The following PLBD1 variants were observed in gnomAD, a reference collection of about 807,000 sequenced individuals.
PLBD1 encodes the protein lysosomal leucine aminopeptidase.
Under a neutral mutation model 63.0 loss-of-function variants are expected in PLBD1, and 60 were observed. The observed-to-expected ratio is 0.95, with a 90% CI of 0.77 to 1.18. The LOEUF is 1.18. Ranked by LOEUF, PLBD1 falls within the 50% of genes most tolerant of loss-of-function variation. The pLI, the probability that PLBD1 is intolerant of heterozygous loss-of-function variation, is 0.00. For synonymous variants in PLBD1, 262 were observed against 248.0 expected (o/e 1.06, Z -0.53); for missense variants, 598 against 677.9 (o/e 0.88, Z 1.31).
In PLBD1 at chr12:14,524,599, C is replaced by T. The variant is rs139031912; in HGVS notation, c.844+11060G>A. 2.9e-3 allele frequency among the ~76,000 whole-genome samples: 439 copies of T among 152,176 alleles called. 3 individuals are homozygous for T. The highest frequency in any genetic ancestry group is 0.01 in the Middle Eastern group (3 of 294). Reference sequence around the variant, plus strand: ...AATAACTATAAAAGAGGATTTTGAACGTTCTTGCCATAAGGAACTGATAAA... The same window carrying T: ...AATAACTATAAAAGAGGATTTTGAATGTTCTTGCCATAAGGAACTGATAAA... On this transcript the variant is annotated intron_variant, in intron 6 of 10. Coordinates refer to ENST00000240617, the MANE Select transcript of PLBD1 (RefSeq NM_024829.6).
chr12:14,538,680 G>A (rs1945540057), intron 4 of PLBD1, among the ~76,000 whole-genome samples: 1 of 152,136 alleles, frequency 6.6e-6, no homozygotes, highest in South Asian at 2.1e-4. Context: ...TCCTAGAAGT[G>A]ATTTAGATTT....
At chr12:14,511,176 C>T (rs1402195465) in intron 8 of PLBD1, 84 bp downstream of exon 8, 2 of 1,167,420 alleles carry the variant, frequency 1.7e-6, no homozygotes, top group Admixed American at 2.4e-5. Context: ...CCCCACCACA[C>T]ATTCACACAA....
intron 6 of PLBD1, among the ~76,000 whole-genome samples, chr12:14,516,286 G>A (rs554614977): frequency 5.9e-5 from 9 of 152,268 alleles, no homozygotes; most frequent in African/African-American, 1.4e-4. Context: ...CCGAGATCGC[G>A]CCATTGCACT....
intron 8 of PLBD1, among the ~76,000 whole-genome samples, chr12:14,509,544 G>A (rs976279555): frequency 1.3e-5 from 2 of 152,156 alleles, no homozygotes; most frequent in African/African-American, 4.8e-5. Flanking sequence ...GAACTGCTTG[G>A]CAATGAAACT....
At chr12:14,544,849 A>G (rs1262595780) in intron 2 of PLBD1, among the ~76,000 whole-genome samples, 3 of 152,084 alleles carry the variant, frequency 2.0e-5, no homozygotes, top group South Asian at 4.1e-4. Flanking sequence ...GTTTTCTTTC[A>G]TTTATAACTT....
At chr12:14,512,263 C>T (rs1279971958) in intron 6 of PLBD1, among the ~76,000 whole-genome samples, 2 of 151,870 alleles carry the variant, frequency 1.3e-5, no homozygotes, top group Non-Finnish European at 2.9e-5. Flanking sequence ...ATTCTTGTGC[C>T]TCAGCCTCCT....
intron 1 of PLBD1, among the ~76,000 whole-genome samples, chr12:14,558,398 C>T (rs1474222520): frequency 6.6e-6 from 1 of 152,090 alleles, no homozygotes; most frequent in Non-Finnish European, 1.5e-5. Context: ...AGGCAGCACC[C>T]ACAGAAACTT....
At chr12:14,567,559 C>G (rs1013170740) in intron 1 of PLBD1, 23 bp downstream of exon 1, 2 of 1,480,844 alleles carry the variant, frequency 1.4e-6, no homozygotes, top group Non-Finnish European at 1.8e-6. Flanking sequence ...GGGCGCCCCC[C>G]GCCCAGGGCG....
At position 14,512,268 on chromosome 12, in the gene PLBD1, C is replaced by A. The variant is rs560970173; in HGVS notation, c.845-557G>T. ...GGTTCAAGCAATTCTTGTGCCTCAG[C>A]CTCCTGAGTAGCTGGGGTTACAGGT... On this transcript the variant is annotated intron_variant, in intron 6 of 10. Transcript: ENST00000240617. Among the ~76,000 whole-genome samples the A allele has an allele frequency of 4.6e-5, 7 of 152,058 alleles. No individual in the cohort carries two copies. The East Asian group carries it at 1.4e-3, about 29-fold the overall frequency.
At chr12:14,553,159 C>T in intron 2 of PLBD1, 34 bp downstream of exon 2, 1 of 1,560,404 alleles carries the variant, frequency 6.4e-7, no homozygotes, top group South Asian at 1.1e-5. Flanking sequence ...CAGGGGTTGC[C>T]TGGCAGTGGC....
chr12:14,551,836 T>C (rs796833832), intron 2 of PLBD1, among the ~76,000 whole-genome samples: 1 of 152,278 alleles, frequency 6.6e-6, no homozygotes, highest in African/African-American at 2.4e-5. Flanking sequence ...CAGAATTCAG[T>C]GCGAACAGAA....
intron 2 of PLBD1, among the ~76,000 whole-genome samples, chr12:14,548,698 T>C (rs558086340): frequency 3.9e-5 from 6 of 152,324 alleles, no homozygotes; most frequent in African/African-American, 1.4e-4. Flanking sequence ...TGTCTCAACA[T>C]ATTAATGTAA....
intron 10 of PLBD1, among the ~76,000 whole-genome samples, chr12:14,505,893 G>A (rs1945250740): frequency 6.6e-6 from 1 of 152,196 alleles, no homozygotes. Flanking sequence ...TTATTCTTCA[G>A]AACAACATAT....
At chr12:14,549,637 TG>T (rs929709961) in intron 2 of PLBD1, among the ~76,000 whole-genome samples, 1 of 152,112 alleles carries the variant, frequency 6.6e-6, no homozygotes, top group African/African-American at 2.4e-5. Flanking sequence ...GTCCTTCGAT[TG>T]TTCAACTGGA....
chr12:14,553,212 C>T lies in PLBD1; in HGVS notation c.316G>A (p.Glu106Lys). The T allele has an allele frequency of 1.2e-6, 2 of 1,612,524 alleles. No homozygotes were observed. Among genetic ancestry groups the T allele is most frequent in the Non-Finnish European group, 8.5e-7 (1 of 1,179,494 alleles). Residue 106 changes from glutamate (E) to lysine (K), a missense_variant, in exon 2 of 11, where the codon GAG becomes AAG. Glu to Lys is a moderately conservative substitution (Grantham distance 56, BLOSUM62 1). Coordinates refer to ENST00000240617, the MANE Select transcript of PLBD1 (RefSeq NM_024829.6). ...ACTTACGGGGCAGTGAGGTAACCCT[C>T]CAAAAAGCCAGCCACAAACATGATG... ...EIIMFVAGFL[E>K]GYLTAPHMND...
chr12:14,561,388 G>C (rs1945741369), intron 1 of PLBD1, among the ~76,000 whole-genome samples: 2 of 151,896 alleles, frequency 1.3e-5, no homozygotes, highest in South Asian at 4.1e-4. Flanking sequence ...ATGCTGTTAG[G>C]TCAGTCCTCA....
At chr12:14,511,839 G>A (rs1945300807) in intron 6 of PLBD1, 128 bp from the exon 7 acceptor site, 3 of 899,608 alleles carry the variant, frequency 3.3e-6, no homozygotes, top group Admixed American at 2.2e-5. Context: ...TCCTTGATCT[G>A]CAGTAGCCTC....
intron 2 of PLBD1, among the ~76,000 whole-genome samples, chr12:14,548,708 A>C (rs1235149093): frequency 6.6e-6 from 1 of 152,190 alleles, no homozygotes; most frequent in East Asian, 1.9e-4. Flanking sequence ...TATTAATGTA[A>C]GTAAAAGGAG....
At chr12:14,548,372 G>A (rs111263641) in intron 2 of PLBD1, among the ~76,000 whole-genome samples, 2,805 of 145,624 alleles carry the variant, frequency 0.019, 95 homozygotes, top group African/African-American at 0.067. Flanking sequence ...CTAGAGAATC[G>A]CTTGAACCTG....
Sources: allele counts gnomAD v4.1 joint callset (sites outside exome capture counted in the v4.1 genomes callset), GRCh38; gene constraint gnomAD v4.1.1; transcripts MANE v1.5; gene names NCBI Gene and HGNC (gene_info 2026-07-23, HGNC 2026-07-21).